Variants in AKAP9 observed in about 807,000 individuals in gnomAD.
AKAP9 encodes A-kinase anchoring protein 9, also known as A-kinase anchor protein 9.
In AKAP9, 311 loss-of-function variants were observed where a neutral mutation model predicts 488.5. The ratio of observed to expected loss-of-function variants is 0.64; its 90% CI spans 0.58 to 0.70. AKAP9 has a LOEUF of 0.70. AKAP9 is among the 30% of genes least tolerant of loss of function. The probability of loss-of-function intolerance (pLI) is 0.00; values close to 1 mark genes in which losing one functional copy is unlikely to be tolerated. For synonymous variants in AKAP9, 1,462 were observed against 1,483.5 expected, an observed-to-expected ratio of 0.99 and a Z score of 0.33; for missense variants, 4,215 against 4,374.5, an observed-to-expected ratio of 0.96 and a Z score of 1.03.
chr7:92,051,392 TA>T (rs1422985666), intron 21 of AKAP9, among the ~76,000 whole-genome samples: 1 of 152,182 alleles, frequency 6.6e-6, no homozygotes. Flanking sequence ...GCACATGGAG[TA>T]ATATAAATAA....
chr7:92,011,881 G>A lies in AKAP9; in HGVS notation c.3319-548G>A, dbSNP rs552676202. ...GTAATCCCAGCACTTTGGGAGGATT[G>A]CATGAGCCCAGGAGTTTCAGGCCAG... On this transcript the variant is annotated intron_variant, in intron 8 of 49. Transcript: ENST00000356239. Among the ~76,000 whole-genome samples the A allele has an allele frequency of 2.6e-5, 4 of 152,242 alleles. No homozygotes were observed. In the East Asian group the frequency reaches 7.7e-4, roughly 29 times the overall value.
chr7:91,969,116 C>T (rs1794758146), intron 1 of AKAP9, among the ~76,000 whole-genome samples: 1 of 152,068 alleles, frequency 6.6e-6, no homozygotes, highest in Admixed American at 6.5e-5. Context: ...TTTTGAACTT[C>T]TGGGCTCAAG....
Position 91,966,661 on chromosome 7 carries a change from A to G in AKAP9, c.49-7050A>G, listed in dbSNP as rs146286048. The stretch of plus-strand genomic sequence containing the variant: ...GAGTTGACTGTAAGTGTGTGAATTT[A>G]TATCTGGGTTCTCTGTTTCGTTCCA... On this transcript the variant is annotated intron_variant, in intron 1 of 49. Coordinates refer to ENST00000356239, the MANE Select transcript of AKAP9 (RefSeq NM_005751.5). 6.7e-3 allele frequency among the ~76,000 whole-genome samples: 1,018 copies of G among 152,240 alleles called. 8 individuals are homozygous for G. Among genetic ancestry groups the G allele is most frequent in the Non-Finnish European group, 0.01 (684 of 68,014 alleles).
chr7:92,067,179 C>T (rs539874351), intron 26 of AKAP9, among the ~76,000 whole-genome samples: 5 of 152,112 alleles, frequency 3.3e-5, no homozygotes, highest in African/African-American at 4.8e-5. Flanking sequence ...TTTTTATTTC[C>T]TATTTATAGC....
At chr7:92,085,102 T>C (rs1358381258) in intron 35 of AKAP9, among the ~76,000 whole-genome samples, 162 bp downstream of exon 35, 3 of 152,164 alleles carry the variant, frequency 2.0e-5, no homozygotes, top group African/African-American at 7.2e-5. Flanking sequence ...TCACAGATAA[T>C]AAAGTAAGAG....
At chr7:92,036,575 T>C (rs766373397) in intron 16 of AKAP9, among the ~76,000 whole-genome samples, 1 of 152,226 alleles carries the variant, frequency 6.6e-6, no homozygotes, top group Non-Finnish European at 1.5e-5. Context: ...TTCCTTTCCA[T>C]TGTTCTCTAT....
chr7:92,072,420 A>G (rs1457766702), intron 28 of AKAP9, among the ~76,000 whole-genome samples: 1 of 152,240 alleles, frequency 6.6e-6, no homozygotes, highest in Non-Finnish European at 1.5e-5. Flanking sequence ...GGAGACTGAG[A>G]GGCAGGAACA....
intron 37 of AKAP9, 119 bp downstream of exon 37, chr7:92,086,535 T>C (rs1186792217): frequency 1.3e-6 from 1 of 780,990 alleles, no homozygotes; most frequent in Admixed American, 2.5e-5. Flanking sequence ...ATGAATATTT[T>C]AAAAAAATTA....
intron 47 of AKAP9, among the ~76,000 whole-genome samples, chr7:92,106,794 A>G (rs1563160203): frequency 6.6e-6 from 1 of 152,216 alleles, no homozygotes; most frequent in Non-Finnish European, 1.5e-5. Flanking sequence ...CAGAGGGGAA[A>G]TAGATTTGGT....
intron 31 of AKAP9, 38 bp from the exon 32 acceptor site, chr7:92,082,484 T>G (rs1813751168): frequency 1.9e-6 from 3 of 1,605,676 alleles, no homozygotes; most frequent in Middle Eastern, 1.7e-4. Context: ...TATATTTTTT[T>G]TAAATTATGT....
At chr7:92,054,058 C>A (rs1808388214) in intron 22 of AKAP9, among the ~76,000 whole-genome samples, 1 of 152,060 alleles carries the variant, frequency 6.6e-6, no homozygotes. Flanking sequence ...TGAAGTATTT[C>A]TTAAGTGAAT....
At chr7:91,988,297 C>CAAAAAA (rs5885797) in intron 3 of AKAP9, among the ~76,000 whole-genome samples, 2 of 53,656 alleles carry the variant, frequency 3.7e-5, no homozygotes, top group African/African-American at 7.1e-5. Flanking sequence ...GACCCCCTCT[C>CAAAAAA]AAAAAAAAAA....
rs1460275329 is a variant in AKAP9, at chr7:92,066,550, A to G, written c.6330+4A>G. Reference sequence around the variant, plus strand: ...CAGTGAACATCAAACTAGAGAGGTAAGAACTTCACTGATATTGCCCAACTT... The same window carrying G: ...CAGTGAACATCAAACTAGAGAGGTAGGAACTTCACTGATATTGCCCAACTT... On this transcript the variant is annotated splice_donor_region_variant and intron_variant, in intron 26 of 49. Transcript: ENST00000356239. 1 of 1,613,244 alleles carries G rather than the reference A, an allele frequency of 6.2e-7. No homozygotes were observed. The highest frequency in any genetic ancestry group is 2.2e-5 in the East Asian group (1 of 44,774).
Position 92,083,664 on chromosome 7 carries a change from T to C in AKAP9, c.8646+9T>C, listed in dbSNP as rs748611628. On this transcript the variant is annotated intron_variant, in intron 33 of 49. Coordinates refer to ENST00000356239, the MANE Select transcript of AKAP9 (RefSeq NM_005751.5). ...GTCTGAGAAGTAAAGAGGTATTTGG[T>C]TTTTATAATATGTGTTTTTCAACAT... The C allele has an allele frequency of 6.2e-7, 1 of 1,609,740 alleles. No homozygotes were observed. Among genetic ancestry groups the C allele is most frequent in the Non-Finnish European group, 8.5e-7 (1 of 1,179,064 alleles).
intron 23 of AKAP9, among the ~76,000 whole-genome samples, 199 bp downstream of exon 23, chr7:92,061,621 A>ATATATATATATATATATAT (rs1809856756): frequency 3.6e-4 from 34 of 93,856 alleles, no homozygotes; most frequent in African/African-American, 1.4e-3. Context: ...TATATATATA[A>ATATATATATATATATATAT]AATTATAAAA....
chr7:92,034,401 G>A (rs1804808005), intron 16 of AKAP9, among the ~76,000 whole-genome samples: 2 of 151,070 alleles, frequency 1.3e-5, no homozygotes, highest in South Asian at 2.1e-4. Context: ...GATACAGGAG[G>A]AAGAAATCAG....
chr7:92,062,523 G>C, intron 24 of AKAP9, 37 bp downstream of exon 24: 5 of 1,569,612 alleles, frequency 3.2e-6, no homozygotes, highest in Non-Finnish European at 4.4e-6. Context: ...ACAGTCCTCT[G>C]ATTTTATTTG....
Position 92,080,029 on chromosome 7 carries a change from A to C in AKAP9, c.7896A>C (p.Ala2632=). The C allele has an allele frequency of 6.4e-7, 1 of 1,563,274 alleles. No individual in the cohort carries two copies. Among genetic ancestry groups the C allele is most frequent in the Non-Finnish European group, 8.6e-7 (1 of 1,164,326 alleles). ...LILEKEQVEI[A]EKNVLEKEKK... ...TAGAAAAAGAACAAGTAGAAATTGC[A>C]GAAAAAAATGTTTTAGAAAAAGAAA... Residue 2632 remains alanine (A), a synonymous_variant, in exon 31 of 50, where the codon GCA becomes GCC. Coordinates refer to ENST00000356239, the MANE Select transcript of AKAP9 (RefSeq NM_005751.5).
chr7:91,944,383 G>C (rs1048260871), intron 1 of AKAP9, among the ~76,000 whole-genome samples: 6 of 151,502 alleles, frequency 4.0e-5, no homozygotes, highest in African/African-American at 9.7e-5. Context: ...GACCAGAAAA[G>C]AATATTCAAA....
Sources: allele counts gnomAD v4.1 joint callset (sites outside exome capture counted in the v4.1 genomes callset), GRCh38; gene constraint gnomAD v4.1.1; transcripts MANE v1.5; gene names NCBI Gene and HGNC (gene_info 2026-07-23, HGNC 2026-07-21).